Variants in SHC3 observed in about 807,000 individuals in gnomAD.
SHC3 encodes SHC-transforming protein 3.
A neutral mutation model predicts 60.4 loss-of-function variants in SHC3; 15 were observed. That is an observed-to-expected ratio of 0.25 (90% CI 0.17 to 0.38). SHC3 has a LOEUF of 0.38. SHC3 is among the 10% of genes least tolerant of loss of function. SHC3 has a pLI of 1.00. For missense variants in SHC3, 677 were observed against 786.1 expected (o/e 0.86, Z 1.66); for synonymous variants, 294 against 325.9 (o/e 0.90, Z 1.05).
In SHC3 at chr9:89,131,703, C is replaced by A. The variant is rs533983964; in HGVS notation, c.475-19077G>T. Among the ~76,000 whole-genome samples, 11 of 152,290 alleles carry A rather than the reference C, an allele frequency of 7.2e-5. No homozygotes were observed. In the South Asian group the frequency reaches 2.3e-3, roughly 32 times the overall value. Reference sequence around the variant, plus strand: ...TGCAGAAAAGGCTTTCAACAAAATTCAACAGCGCTTCATGCCAAAAACTCT... The same window carrying A: ...TGCAGAAAAGGCTTTCAACAAAATTAAACAGCGCTTCATGCCAAAAACTCT... On this transcript the variant is annotated intron_variant, in intron 1 of 11. Coordinates refer to ENST00000375835, the MANE Select transcript of SHC3 (RefSeq NM_016848.6).
chr9:89,025,946 T>A (rs1826289648), intron 11 of SHC3, among the ~76,000 whole-genome samples: 1 of 152,146 alleles, frequency 6.6e-6, no homozygotes, highest in East Asian at 1.9e-4. Flanking sequence ...CCTTTTTAAG[T>A]CTGATGAGAA....
chr9:89,075,953 C>G (rs1381505109), intron 3 of SHC3, among the ~76,000 whole-genome samples: 1 of 152,084 alleles, frequency 6.6e-6, no homozygotes, highest in African/African-American at 2.4e-5. Context: ...TGGTACCAAC[C>G]CATCCCTTCT....
At chr9:89,160,747 T>A (rs1826692376) in intron 1 of SHC3, among the ~76,000 whole-genome samples, 2 of 152,314 alleles carry the variant, frequency 1.3e-5, no homozygotes, top group South Asian at 4.1e-4. Context: ...TTTCTGTAAT[T>A]AGCTGTCAAG....
intron 1 of SHC3, among the ~76,000 whole-genome samples, chr9:89,128,508 C>T (rs1012675654): frequency 2.0e-5 from 3 of 152,090 alleles, no homozygotes; most frequent in East Asian, 1.9e-4. Flanking sequence ...TAGTAGGGGC[C>T]GACTGACACC....
rs1161808324 is a variant in SHC3 at position 89,035,832 on chromosome 9, T to A, written c.1656+2161A>T. On this transcript the variant is annotated intron_variant, in intron 11 of 11. Transcript: ENST00000375835. ...ACAAGCAAAAAACAAACAAACAAAATATATATATATATATATAGATGTGTG... is the reference window on the plus strand; with the variant it reads ...ACAAGCAAAAAACAAACAAACAAAAAATATATATATATATATAGATGTGTG... Among the ~76,000 whole-genome samples the A allele has an allele frequency of 1.5e-3, 148 of 100,584 alleles. 7 individuals carry two copies. The Admixed American group carries it at 0.016, about 11-fold the overall frequency. 66.0% of individuals were successfully genotyped at this position (100,584 alleles called of 152,430 possible).
At chr9:89,014,833 T>C (rs970598903) in intron 11 of SHC3, among the ~76,000 whole-genome samples, 2 of 152,174 alleles carry the variant, frequency 1.3e-5, no homozygotes, top group Non-Finnish European at 2.9e-5. Flanking sequence ...ACTTCAGGTG[T>C]GCATATTGGA....
intron 1 of SHC3, among the ~76,000 whole-genome samples, chr9:89,143,429 A>G (rs530622563): frequency 6.6e-6 from 1 of 152,060 alleles, no homozygotes; most frequent in East Asian, 1.9e-4. Flanking sequence ...TCATCCTGTG[A>G]CTTAGAATGC....
intron 2 of SHC3, among the ~76,000 whole-genome samples, chr9:89,078,459 A>C (rs899795601): frequency 6.6e-6 from 1 of 152,200 alleles, no homozygotes; most frequent in African/African-American, 2.4e-5. Context: ...GGGTGTATAA[A>C]GAACCCGGCA....
intron 2 of SHC3, among the ~76,000 whole-genome samples, chr9:89,101,051 G>A (rs1435876162): frequency 6.6e-6 from 1 of 152,056 alleles, no homozygotes; most frequent in East Asian, 1.9e-4. Flanking sequence ...CTATGAACAC[G>A]GTATATCTGT....
intron 1 of SHC3, among the ~76,000 whole-genome samples, chr9:89,119,264 G>A (rs1399820661): frequency 6.6e-6 from 1 of 151,976 alleles, no homozygotes; most frequent in Non-Finnish European, 1.5e-5. Flanking sequence ...ATAAAAAGAA[G>A]GGATACAAGT....
chr9:89,176,927 A>C (rs1291133146), intron 1 of SHC3, among the ~76,000 whole-genome samples: 1 of 152,238 alleles, frequency 6.6e-6, no homozygotes, highest in Non-Finnish European at 1.5e-5. Flanking sequence ...TAATTTTTAC[A>C]CTGGAATCTG....
At chr9:89,174,697 G>C (rs1230626762) in intron 1 of SHC3, among the ~76,000 whole-genome samples, 1 of 152,192 alleles carries the variant, frequency 6.6e-6, no homozygotes, top group Non-Finnish European at 1.5e-5. Context: ...TGGGGACCAC[G>C]CTGGGGCCAA....
intron 11 of SHC3, among the ~76,000 whole-genome samples, chr9:89,018,541 T>C (rs567561635): frequency 6.6e-6 from 1 of 152,204 alleles, no homozygotes; most frequent in African/African-American, 2.4e-5. Flanking sequence ...ATGTAGATGA[T>C]GGGTTGATGA....
At chr9:89,084,078 T>G (rs910289425) in intron 2 of SHC3, among the ~76,000 whole-genome samples, 1 of 152,190 alleles carries the variant, frequency 6.6e-6, no homozygotes. Context: ...AACCTGATTT[T>G]TTAAAAAGTC....
At chr9:89,047,091 G>A (rs1419114038) in intron 7 of SHC3, 97 bp from the exon 8 acceptor site, 2 of 1,306,358 alleles carry the variant, frequency 1.5e-6, no homozygotes, top group Non-Finnish European at 2.0e-6. Context: ...AGAAAAGAGA[G>A]TTTAGTCAGT....
intron 11 of SHC3, among the ~76,000 whole-genome samples, chr9:89,036,746 C>CT (rs1285805626): frequency 6.6e-6 from 1 of 151,924 alleles, no homozygotes; most frequent in Non-Finnish European, 1.5e-5. Flanking sequence ...CTTCTTTTTT[C>CT]TTTTTTTGAA....
chr9:89,172,477 C>T (rs1413684649), intron 1 of SHC3, among the ~76,000 whole-genome samples: 1 of 151,900 alleles, frequency 6.6e-6, no homozygotes, highest in Non-Finnish European at 1.5e-5. Context: ...ACTTGTAAGG[C>T]ATATTGTGCA....
chr9:89,109,704 T>G (rs928151704), intron 2 of SHC3: 3 of 985,352 alleles, frequency 3.0e-6, no homozygotes, highest in African/African-American at 1.7e-5. Context: ...GCACTCCAGG[T>G]TGTGATTCTC....
At chr9:89,063,979 G>C (rs902759828) in intron 6 of SHC3, among the ~76,000 whole-genome samples, 7 of 152,212 alleles carry the variant, frequency 4.6e-5, no homozygotes, top group African/African-American at 1.4e-4. Context: ...AGGCTGGAAG[G>C]TGCCAGCAGA....
Sources: gnomAD v4.1 joint callset for allele counts (sites outside exome capture counted in the v4.1 genomes callset) on GRCh38, gnomAD v4.1.1 for gene constraint, MANE v1.5 for transcripts, NCBI Gene and HGNC (gene_info 2026-07-23, HGNC 2026-07-21) for gene names.